The following MYOF variants were observed in gnomAD, a reference collection of about 807,000 sequenced individuals.
MYOF encodes myoferlin.
A neutral mutation model predicts 284.2 loss-of-function variants in MYOF; 244 were observed. The ratio of observed to expected loss-of-function variants is 0.86; its 90% CI spans 0.77 to 0.95. The LOEUF (loss-of-function observed/expected upper bound fraction) is 0.95, where lower values mean the gene tolerates loss of function less well. MYOF is among the 40% of genes least tolerant of loss of function. MYOF has a pLI of 0.00. For missense variants in MYOF, 2,496 were observed against 2,560.6 expected, an observed-to-expected ratio of 0.97 and a Z score of 0.54; for synonymous variants, 904 against 919.7, an observed-to-expected ratio of 0.98 and a Z score of 0.31.
chr10:93,337,824 GGAATAGCCTTTCT>G lies in MYOF; in HGVS notation c.4415_4427del (p.Gln1472ProfsTer10), dbSNP rs758074428. Reference sequence around the variant, plus strand: ...GCATAGATCCAGGTACCTTGAGCTTGGAATAGCCTTTCTGAATATACTGTCCGCATTTTTCATG... The same window carrying G: ...GCATAGATCCAGGTACCTTGAGCTTGGAATATACTGTCCGCATTTTTCATG... On this transcript the variant is annotated frameshift_variant, in exon 40 of 54. Transcript: ENST00000359263. LOFTEE classifies it high-confidence loss of function. 1.2e-6 allele frequency: 2 copies of G among 1,613,616 alleles called. No homozygotes were observed. The highest frequency in any genetic ancestry group is 1.7e-6 in the Non-Finnish European group (2 of 1,179,674).
chr10:93,424,956 T>TTTTTTTG (rs1848516994), intron 5 of MYOF, among the ~76,000 whole-genome samples: 4 of 144,778 alleles, frequency 2.8e-5, no homozygotes, highest in East Asian at 2.1e-4. Context: ...TTTTTTTTTT[T>TTTTTTTG]GAGACGGAGT....
intron 28 of MYOF, 134 bp from the exon 29 acceptor site, chr10:93,360,112 T>G: frequency 9.0e-7 from 1 of 1,114,268 alleles, no homozygotes; most frequent in Non-Finnish European, 1.3e-6. Flanking sequence ...ATGTGGCTGT[T>G]TTCACTTTGC....
At chr10:93,337,702 G>T in intron 40 of MYOF, 113 bp downstream of exon 40, 1 of 790,580 alleles carries the variant, frequency 1.3e-6, no homozygotes, top group Non-Finnish European at 2.1e-6. Context: ...GTTTTCCTGG[G>T]CCCTGCTCAT....
intron 24 of MYOF, among the ~76,000 whole-genome samples, chr10:93,372,063 C>T (rs1418293948): frequency 1.3e-5 from 2 of 152,180 alleles, no homozygotes; most frequent in East Asian, 3.9e-4. Context: ...TTTACACCCT[C>T]CTGATTAAAG....
At chr10:93,341,400 C>T (rs551893027) in intron 38 of MYOF, among the ~76,000 whole-genome samples, 56 of 152,066 alleles carry the variant, frequency 3.7e-4, no homozygotes, top group South Asian at 2.1e-4. Context: ...CTCAGCCTCC[C>T]GAGTAGCTGG....
At chr10:93,338,175 G>A (rs1843704455) in intron 39 of MYOF, among the ~76,000 whole-genome samples, 1 of 151,252 alleles carries the variant, frequency 6.6e-6, no homozygotes, top group Non-Finnish European at 1.5e-5. Context: ...ATGTTCTTAT[G>A]TCTTTTACAC....
At position 93,408,835 on chromosome 10, in the gene MYOF, C is replaced by T; in HGVS notation, c.681G>A (p.Gln227=). 1 of 1,614,178 alleles carries T rather than the reference C, an allele frequency of 6.2e-7. No individual in the cohort carries two copies. Among genetic ancestry groups the T allele is most frequent in the South Asian group, 1.1e-5 (1 of 91,082 alleles). ...CTCTCTTGATTCTTGTTCGGTGTGT[C>T]TGGCCACAGACGTGAACTTTGACCA... is the stretch of plus-strand genomic sequence containing the variant. ...RPVVKVHVCG[Q]THRTRIKRGN... is the part of the protein sequence containing the mutation. The change falls in exon 7 of 54, where the codon CAG becomes CAA. Residue 227 remains glutamine, a synonymous_variant. Coordinates refer to ENST00000359263, the MANE Select transcript of MYOF (RefSeq NM_013451.4).
At chr10:93,320,686 A>G (rs555814484) in intron 48 of MYOF, among the ~76,000 whole-genome samples, 1 of 152,274 alleles carries the variant, frequency 6.6e-6, no homozygotes, top group East Asian at 1.9e-4. Flanking sequence ...TGAAGGAATG[A>G]ATGAATGAAT....
At chr10:93,321,412 CT>C (rs35765868) in intron 48 of MYOF, among the ~76,000 whole-genome samples, 24,603 of 121,026 alleles carry the variant, frequency 0.2, 2,896 homozygotes, top group Non-Finnish European at 0.31. Flanking sequence ...GACTATTAAC[CT>C]TTTTTTTTTT....
chr10:93,480,665 G>T (rs971878894), intron 1 of MYOF, among the ~76,000 whole-genome samples: 2 of 151,574 alleles, frequency 1.3e-5, no homozygotes, highest in Non-Finnish European at 2.9e-5. Flanking sequence ...TAGTAGAGAT[G>T]GGGTTTTGCC....
intron 1 of MYOF, among the ~76,000 whole-genome samples, chr10:93,461,850 C>T (rs919704798): frequency 6.6e-6 from 1 of 152,138 alleles, no homozygotes; most frequent in African/African-American, 2.4e-5. Flanking sequence ...AATTTTATAA[C>T]TCATGAGAAA....
chr10:93,372,046 G>C lies in MYOF; in HGVS notation c.2457+884C>G, dbSNP rs562624932. ...ACACTTGAAAGAAGATAATCACTCT[G>C]ATTCTATTTACACCCTCCTGATTAA... On this transcript the variant is annotated intron_variant, in intron 24 of 53. Transcript: ENST00000359263. Among the ~76,000 whole-genome samples the C allele has an allele frequency of 2.1e-4, 32 of 152,190 alleles. 1 individual carries two copies. The highest frequency in any genetic ancestry group is 1.8e-3 in the Admixed American group (27 of 15,290).
chr10:93,331,794 C>T (rs1843320066), intron 43 of MYOF, among the ~76,000 whole-genome samples: 1 of 151,980 alleles, frequency 6.6e-6, no homozygotes, highest in Non-Finnish European at 1.5e-5. Flanking sequence ...AACCAACAAA[C>T]CCGAGAAGGA....
chr10:93,410,419 G>C (rs754445480), intron 5 of MYOF, among the ~76,000 whole-genome samples: 22 of 152,092 alleles, frequency 1.4e-4, no homozygotes, highest in Non-Finnish European at 2.6e-4. Context: ...CCATGCATTA[G>C]ATCCTGCTAC....
chr10:93,353,887 T>G lies in MYOF; in HGVS notation c.3405A>C (p.Arg1135Ser). Residue 1135 changes from arginine to serine, a missense_variant and splice_region_variant, in exon 32 of 54, where the codon AGA (arginine) becomes AGC (serine). By Grantham distance (110) the Arg-to-Ser change is moderately radical. Around this residue, in one of 3 missense-constraint regions of MYOF, gnomAD observed 2,436 missense variants for 2,480.7 expected, o/e 0.98. Coordinates refer to ENST00000359263, the MANE Select transcript of MYOF (RefSeq NM_013451.4). The stretch of plus-strand genomic sequence containing the variant: ...AGCAGCGCAGATGGTAGATGTAGAC[T>G]CCTAAAAAAACAGGATAAAGATTAC... Reference protein sequence around the residue: ...NTPIVSCNFDRVYIYHLRCYV... With the variant: ...NTPIVSCNFDSVYIYHLRCYV... 2 of 1,601,646 alleles carry G rather than the reference T, an allele frequency of 1.2e-6. No individual in the cohort carries two copies. Among genetic ancestry groups the G allele is most frequent in the Non-Finnish European group, 1.7e-6 (2 of 1,172,078 alleles).
At position 93,374,810 on chromosome 10, in the gene MYOF, C is replaced by T; in HGVS notation, c.2254G>A (p.Ala752Thr). 6.2e-7 allele frequency: 1 copy of T among 1,614,098 alleles called. No individual in the cohort carries two copies. The highest frequency in any genetic ancestry group is 1.7e-5 in the Admixed American group (1 of 60,006). ...TTATCAAGCCAGTCCTCAATTTCTG[C>T]CAGTGTGGACTTCACATCTGTGGCT... ...SEATDVKSTL[A>T]EIEDWLDKLM... Residue 752 changes from alanine to threonine, a missense_variant, in exon 23 of 54, where the codon GCA becomes ACA. Ala to Thr is a moderately conservative substitution (Grantham distance 58, BLOSUM62 0). Transcript: ENST00000359263.
In MYOF at chr10:93,389,166, ACAT is replaced by A; in HGVS notation, c.1457-15_1457-13del. 2 of 1,612,248 alleles carry A rather than the reference ACAT, an allele frequency of 1.2e-6. No homozygotes were observed. The highest frequency in any genetic ancestry group is 1.7e-6 in the Non-Finnish European group (2 of 1,179,396). On this transcript the variant is annotated splice_polypyrimidine_tract_variant and intron_variant, in intron 17 of 53. Coordinates refer to ENST00000359263, the MANE Select transcript of MYOF (RefSeq NM_013451.4). Reference sequence around the variant, plus strand: ...TTCTCCTGTGTTTACTGAGAGAGAAACATCATCATGAGGTGTTAGGCTTTTAAC... The same window carrying A: ...TTCTCCTGTGTTTACTGAGAGAGAAACATCATGAGGTGTTAGGCTTTTAAC...
intron 24 of MYOF, among the ~76,000 whole-genome samples, chr10:93,371,504 A>G (rs1554848209): frequency 6.6e-6 from 1 of 152,230 alleles, no homozygotes; most frequent in Non-Finnish European, 1.5e-5. Flanking sequence ...AAAAATGCAA[A>G]ACAGTCTCAC....
At chr10:93,328,987 T>C in intron 44 of MYOF, 76 bp from the exon 45 acceptor site, 4 of 1,479,904 alleles carry the variant, frequency 2.7e-6, no homozygotes, top group Non-Finnish European at 3.7e-6. Flanking sequence ...TACATGCTCA[T>C]GTACTCTTAG....
Sources: gnomAD v4.1 joint callset for allele counts (sites outside exome capture counted in the v4.1 genomes callset) on GRCh38, gnomAD v4.1.1 for gene constraint, gnomAD v4.1.1 regional missense constraint, MANE v1.5 for transcripts, NCBI Gene and HGNC (gene_info 2026-07-23, HGNC 2026-07-21) for gene names.